PDE6B: variants seen among roughly 807,000 people sequenced by gnomAD.
PDE6B encodes the protein rod cGMP-specific 3',5'-cyclic phosphodiesterase subunit beta.
PDE6B carries 106 observed loss-of-function variants against 109.0 expected under a neutral mutation model. The observed-to-expected ratio is 0.97, with a 90% confidence interval of 0.83 to 1.14. The LOEUF is 1.14. Among genes scored for constraint, PDE6B ranks in the 50% most tolerant of loss-of-function variants. PDE6B has a pLI of 0.00. For missense variants in PDE6B, 1,193 were observed against 1,155.6 expected, an observed-to-expected ratio of 1.03 and a Z score of -0.47; for synonymous variants, 490 against 471.3, an observed-to-expected ratio of 1.04 and a Z score of -0.51.
intron 1 of PDE6B, among the ~76,000 whole-genome samples, chr4:630,136 C>T (rs1172713411): frequency 1.3e-5 from 2 of 152,164 alleles, no homozygotes; most frequent in South Asian, 4.1e-4. Flanking sequence ...GCAGGGGCCA[C>T]GTGTTAATCT....
At chr4:656,100 CGG>C in intron 7 of PDE6B, 94 bp downstream of exon 7, 1 of 1,037,510 alleles carries the variant, frequency 9.6e-7, no homozygotes, top group South Asian at 1.3e-5. Flanking sequence ...CCCGCCCTCC[CGG>C]CCAGCTCCAC....
chr4:653,508 C>T (rs374466513), intron 3 of PDE6B: 27 of 483,266 alleles, frequency 5.6e-5, no homozygotes, highest in South Asian at 1.8e-4. Context: ...CCCTGCTCGC[C>T]GCAGGTGGTT....
At position 648,959 on chromosome 4, in the gene PDE6B, C is replaced by T. The variant is rs1248163721; in HGVS notation, c.712-4893C>T. On this transcript the variant is annotated intron_variant, in intron 3 of 21. Coordinates refer to ENST00000496514, the MANE Select transcript of PDE6B (RefSeq NM_000283.4). The surrounding 1 kb of genome is among the most constrained non-coding windows in gnomAD (Gnocchi z 4.5). The stretch of plus-strand genomic sequence containing the variant: ...CCTGCCTCCTGTGAGGAAGCAGAGC[C>T]ATTCAGAAGTGAGAGGCGGCCAGGA... Among the ~76,000 whole-genome samples, 1 of 152,206 alleles carries T rather than the reference C, an allele frequency of 6.6e-6. No individual in the cohort carries two copies. The highest frequency in any genetic ancestry group is 2.4e-5 in the African/African-American group (1 of 41,454).
intron 1 of PDE6B, among the ~76,000 whole-genome samples, chr4:628,266 G>C (rs1734215538): frequency 6.6e-6 from 1 of 152,190 alleles, no homozygotes; most frequent in African/African-American, 2.4e-5. Flanking sequence ...TCAGTTTACA[G>C]AAGGGGGGAC....
chr4:628,298 C>T (rs1416648142), intron 1 of PDE6B, among the ~76,000 whole-genome samples: 1 of 152,242 alleles, frequency 6.6e-6, no homozygotes, highest in East Asian at 1.9e-4. Context: ...ACACCTCAGT[C>T]TGGCCCACTG....
intron 1 of PDE6B, among the ~76,000 whole-genome samples, chr4:627,444 C>A (rs1416733627): frequency 6.6e-6 from 1 of 152,130 alleles, no homozygotes; most frequent in Admixed American, 6.5e-5. Flanking sequence ...CCGCACCAGG[C>A]CGGAAGTGGC....
chr4:634,468 G>A (rs1191678435), intron 1 of PDE6B, among the ~76,000 whole-genome samples: 1 of 152,098 alleles, frequency 6.6e-6, no homozygotes, highest in Non-Finnish European at 1.5e-5. Context: ...AGCATCCTCC[G>A]CACAGGGGTG....
chr4:665,019 C>T lies in PDE6B; in HGVS notation c.2193+75C>T, dbSNP rs758606505. ...GGGACTGCCGGGCGGGCGGGAGCCT[C>T]GGATGGCAACGGACCATTGTTTGCA... On this transcript the variant is annotated intron_variant, in intron 18 of 21. Coordinates refer to ENST00000496514, the MANE Select transcript of PDE6B (RefSeq NM_000283.4). The surrounding 1 kb of genome is among the most constrained non-coding windows in gnomAD (Gnocchi z 4.0). 1.7e-5 allele frequency: 20 copies of T among 1,177,848 alleles called. No individual in the cohort carries two copies. The highest frequency in any genetic ancestry group is 2.3e-5 in the Non-Finnish European group (18 of 786,178). 73.0% of individuals were successfully genotyped at this position (1,177,848 alleles called of 1,614,324 possible).
intron 1 of PDE6B, among the ~76,000 whole-genome samples, chr4:632,933 C>T (rs1734463862): frequency 6.6e-6 from 1 of 152,088 alleles, no homozygotes; most frequent in Non-Finnish European, 1.5e-5. Flanking sequence ...GTGAGGGTGT[C>T]AGTGAGGTTG....
intron 3 of PDE6B, among the ~76,000 whole-genome samples, chr4:641,985 A>C (rs569350965): frequency 1.3e-5 from 2 of 152,276 alleles, no homozygotes; most frequent in African/African-American, 2.4e-5. Flanking sequence ...TTACCTAGAC[A>C]ATCATGTCAT....
In PDE6B at chr4:662,002, C is replaced by G; in HGVS notation, c.1615-132C>G. ...TGGGAAACGCAGGGATGGGGAAGATCGGGAAGTCCAGGAGACGGTGTGGGG... is the reference window on the plus strand; with the variant it reads ...TGGGAAACGCAGGGATGGGGAAGATGGGGAAGTCCAGGAGACGGTGTGGGG... On this transcript the variant is annotated intron_variant, in intron 12 of 21. Coordinates refer to ENST00000496514, the MANE Select transcript of PDE6B (RefSeq NM_000283.4). This position sits in a 1 kb window ranked among gnomAD's most constrained non-coding sequence, Gnocchi z 4.3. The G allele has an allele frequency of 8.7e-6, 6 of 688,036 alleles. 1 individual carries two copies. Among genetic ancestry groups the G allele is most frequent in the Admixed American group, 8.1e-5 (4 of 49,326 alleles). 42.6% of individuals were successfully genotyped at this position (688,036 alleles called of 1,614,324 possible).
Position 663,574 on chromosome 4 carries a change from A to C in PDE6B, c.1921-196A>C. On this transcript the variant is annotated intron_variant, in intron 15 of 21. Transcript: ENST00000496514. This position sits in a 1 kb window ranked among gnomAD's most constrained non-coding sequence, Gnocchi z 4.0. The stretch of plus-strand genomic sequence containing the variant: ...CTGAGGCCATCTGCGTCCCAAGCCG[A>C]CGATGGAGCCGCTGGTGGAGAGCTG... 1 of 626,644 alleles carries C rather than the reference A, an allele frequency of 1.6e-6. No individual in the cohort carries two copies. The highest frequency in any genetic ancestry group is 1.8e-5 in the South Asian group (1 of 54,168). The allele number at this position is 626,644 out of a possible 1,614,324, so 38.8% of individuals were successfully genotyped here.
chr4:654,031 G>A (rs367956456), intron 4 of PDE6B, 39 bp downstream of exon 4: 240 of 1,613,520 alleles, frequency 1.5e-4, no homozygotes, highest in African/African-American at 3.6e-4. Flanking sequence ...TGCCTGGCCC[G>A]ACCCAGGTCC....
chr4:656,930 C>A lies in PDE6B; in HGVS notation c.1164C>A (p.Ile388=), dbSNP rs779243382. The change falls in exon 9 of 22, where the codon ATC becomes ATA. Residue 388 remains isoleucine, a synonymous_variant. Transcript: ENST00000496514. ...TCAAGAATGTGCTGTCCATGCCCAT[C>A]GTCAACAAGAAGGAGGAGATTGTGG... ...WLIKNVLSMP[I]VNKKEEIVGV... 6.2e-7 allele frequency: 1 copy of A among 1,612,920 alleles called. No homozygotes were observed. The highest frequency in any genetic ancestry group is 8.5e-7 in the Non-Finnish European group (1 of 1,179,756).
intron 3 of PDE6B, among the ~76,000 whole-genome samples, chr4:645,420 C>G (rs553395326): frequency 6.6e-6 from 1 of 151,550 alleles, no homozygotes; most frequent in East Asian, 1.9e-4. Context: ...CTCAGCCTCC[C>G]GAGTAGCTGG....
chr4:628,621 G>A (rs746665349), intron 1 of PDE6B, among the ~76,000 whole-genome samples: 4 of 152,224 alleles, frequency 2.6e-5, no homozygotes, highest in African/African-American at 7.2e-5. Context: ...AGCTGCAAGC[G>A]TCCATCCTCC....
chr4:633,987 T>G lies in PDE6B; in HGVS notation c.469-690T>G. 6.9e-6 allele frequency among the ~76,000 whole-genome samples: 1 copy of G among 145,628 alleles called. No homozygotes were observed. The highest frequency in any genetic ancestry group is 2.6e-5 in the African/African-American group (1 of 39,126). On this transcript the variant is annotated intron_variant, in intron 1 of 21. Coordinates refer to ENST00000496514, the MANE Select transcript of PDE6B (RefSeq NM_000283.4). The surrounding 1 kb of genome is among the most constrained non-coding windows in gnomAD (Gnocchi z 4.5). ...GGGGCTGCTCTAAATCTGGTGGGAG[T>G]GAGGGTAGGAGTGAGGGTGGGTGGG...
intron 3 of PDE6B, among the ~76,000 whole-genome samples, chr4:651,335 G>C (rs896397856): frequency 4.6e-5 from 7 of 152,116 alleles, no homozygotes; most frequent in African/African-American, 1.7e-4. Flanking sequence ...AATGGGGAGT[G>C]GGGGCCCCAG....
At chr4:627,254 T>C (rs1302408363) in intron 1 of PDE6B, among the ~76,000 whole-genome samples, 1 of 151,970 alleles carries the variant, frequency 6.6e-6, no homozygotes, top group East Asian at 1.9e-4. Context: ...CAAGCGATTC[T>C]CCTGCCTTGG....
Sources: allele counts gnomAD v4.1 joint callset (sites outside exome capture counted in the v4.1 genomes callset), GRCh38; gene constraint gnomAD v4.1.1; non-coding constraint Gnocchi (gnomAD v3.1); transcripts MANE v1.5; gene names NCBI Gene and HGNC (gene_info 2026-07-23, HGNC 2026-07-21).